ATP8A2: variants seen among roughly 807,000 people sequenced by gnomAD.
ATP8A2 encodes the protein ATPase phospholipid transporting 8A2.
A neutral mutation model predicts 165.6 loss-of-function variants in ATP8A2; 100 were observed. The ratio of observed to expected loss-of-function variants is 0.60; its 90% CI spans 0.51 to 0.71. The LOEUF is 0.71. ATP8A2 is among the 30% of genes least tolerant of loss of function. ATP8A2 has a pLI of 0.00. For synonymous variants in ATP8A2, 543 were observed against 548.8 expected, an observed-to-expected ratio of 0.99 and a Z score of 0.15; for missense variants, 1,227 against 1,479.5, an observed-to-expected ratio of 0.83 and a Z score of 2.80.
intron 25 of ATP8A2, among the ~76,000 whole-genome samples, chr13:25,730,436 A>G (rs776149342): frequency 6.6e-6 from 1 of 152,152 alleles, no homozygotes; most frequent in African/African-American, 2.4e-5. Context: ...ACTACTTTCT[A>G]TTACACTGGT....
intron 27 of ATP8A2, among the ~76,000 whole-genome samples, chr13:25,776,588 T>C (rs1040562550): frequency 4.6e-5 from 7 of 152,198 alleles, no homozygotes. Flanking sequence ...TTCTCTTATT[T>C]TTACAATTCC....
chr13:25,880,830 T>C (rs1952959661), intron 33 of ATP8A2: 1 of 439,628 alleles, frequency 2.3e-6, no homozygotes, highest in Admixed American at 2.5e-5. Context: ...GCAGTCTTTG[T>C]GGTTTGGGTA....
At chr13:25,623,168 G>C (rs1442495229) in intron 24 of ATP8A2, among the ~76,000 whole-genome samples, 1 of 152,180 alleles carries the variant, frequency 6.6e-6, no homozygotes, top group Non-Finnish European at 1.5e-5. Flanking sequence ...AGGATCGCTT[G>C]AGGCCAGGAA....
chr13:25,439,710 G>A (rs1337817087), intron 1 of ATP8A2, among the ~76,000 whole-genome samples: 1 of 152,106 alleles, frequency 6.6e-6, no homozygotes, highest in Non-Finnish European at 1.5e-5. Flanking sequence ...CCAGAAGTTT[G>A]AGATCAGCCT....
At chr13:25,466,993 A>G (rs1268898880) in intron 1 of ATP8A2, among the ~76,000 whole-genome samples, 1 of 152,204 alleles carries the variant, frequency 6.6e-6, no homozygotes, top group Non-Finnish European at 1.5e-5. Context: ...ACATCAGCAA[A>G]TGCTCCAACA....
intron 30 of ATP8A2, among the ~76,000 whole-genome samples, chr13:25,845,317 A>G (rs1038791744): frequency 2.0e-5 from 3 of 152,210 alleles, no homozygotes; most frequent in Admixed American, 2.0e-4. Flanking sequence ...TTGAAGTGTA[A>G]TGTGGTTATT....
chr13:25,856,549 A>G lies in ATP8A2; in HGVS notation c.2957-3646A>G, dbSNP rs150223932. Reference sequence around the variant, plus strand: ...CTTAAATTTACATCAATTAAAAATGATTTTATAGCTTTGTTTCTATGATCC... The same window carrying G: ...CTTAAATTTACATCAATTAAAAATGGTTTTATAGCTTTGTTTCTATGATCC... On this transcript the variant is annotated intron_variant, in intron 30 of 36. Coordinates refer to ENST00000381655, the MANE Select transcript of ATP8A2 (RefSeq NM_016529.6). Among the ~76,000 whole-genome samples, 72 of 152,344 alleles carry G rather than the reference A, an allele frequency of 4.7e-4. 1 individual carries two copies. Among genetic ancestry groups the G allele is most frequent in the African/African-American group, 1.7e-3 (70 of 41,590 alleles).
In ATP8A2 at chr13:25,769,028, C is replaced by T. The variant is rs757943673; in HGVS notation, c.2385-18C>T. 3 of 1,612,574 alleles carry T rather than the reference C, an allele frequency of 1.9e-6. No homozygotes were observed. In the South Asian group the frequency reaches 3.3e-5, roughly 18 times the overall value. On this transcript the variant is annotated intron_variant, in intron 25 of 36. Coordinates refer to ENST00000381655, the MANE Select transcript of ATP8A2 (RefSeq NM_016529.6). ...GGAAAGACATGCATAGCTCTGATTT[C>T]CCTCTCTTTTCTCACAGAGTGTCTC...
intron 27 of ATP8A2, among the ~76,000 whole-genome samples, chr13:25,802,708 T>G (rs1950645730): frequency 6.6e-6 from 1 of 152,130 alleles, no homozygotes; most frequent in Admixed American, 6.6e-5. Flanking sequence ...TTACCTTCAA[T>G]TTCATCATAA....
intron 16 of ATP8A2, chr13:25,567,040 C>T: frequency 3.9e-6 from 1 of 257,540 alleles, no homozygotes; most frequent in Non-Finnish European, 7.8e-6. Flanking sequence ...CCATAGAAAC[C>T]CAGTGGCCTG....
intron 28 of ATP8A2, among the ~76,000 whole-genome samples, chr13:25,834,983 C>T (rs895911660): frequency 5.3e-5 from 8 of 149,642 alleles, no homozygotes; most frequent in East Asian, 2.0e-4. Context: ...TGATCCCTAA[C>T]GTGTGTGTGT....
At chr13:25,613,558 GC>G (rs2040745621) in intron 24 of ATP8A2, among the ~76,000 whole-genome samples, 1 of 152,128 alleles carries the variant, frequency 6.6e-6, no homozygotes, top group Non-Finnish European at 1.5e-5. Flanking sequence ...TGGAGACAGA[GC>G]AAGACTCCAT....
chr13:25,955,576 G>T (rs1459147565), intron 33 of ATP8A2, among the ~76,000 whole-genome samples: 1 of 152,190 alleles, frequency 6.6e-6, no homozygotes, highest in Non-Finnish European at 1.5e-5. Context: ...ACTAAACTGG[G>T]AAGAAGTCAA....
chr13:25,689,145 AG>A (rs1244097588), intron 24 of ATP8A2, among the ~76,000 whole-genome samples: 2 of 152,234 alleles, frequency 1.3e-5, no homozygotes, highest in African/African-American at 4.8e-5. Context: ...TAAATAATTA[AG>A]TTGAGATTAC....
At chr13:25,450,113 T>C (rs2035172445) in intron 1 of ATP8A2, among the ~76,000 whole-genome samples, 1 of 152,224 alleles carries the variant, frequency 6.6e-6, no homozygotes, top group Non-Finnish European at 1.5e-5. Context: ...CTGCTAAGGA[T>C]AATGGCCTCA....
chr13:25,768,084 G>C (rs1276957328), intron 25 of ATP8A2, among the ~76,000 whole-genome samples: 5 of 133,530 alleles, frequency 3.7e-5, no homozygotes, highest in East Asian at 4.9e-4. Context: ...CGTGGGGGGG[G>C]GGTGGTGGGG....
intron 24 of ATP8A2, among the ~76,000 whole-genome samples, chr13:25,612,180 G>T (rs2138442158): frequency 6.6e-6 from 1 of 151,980 alleles, no homozygotes; most frequent in South Asian, 2.1e-4. Flanking sequence ...GCTGGGTTTG[G>T]GTTTGGTTTG....
intron 25 of ATP8A2, among the ~76,000 whole-genome samples, chr13:25,746,994 G>A (rs924368384): frequency 1.3e-5 from 2 of 152,268 alleles, no homozygotes; most frequent in South Asian, 2.1e-4. Context: ...GCCTATGGTC[G>A]TTCTGTCCTG....
At chr13:25,374,351 C>G (rs972688230) in intron 1 of ATP8A2, among the ~76,000 whole-genome samples, 5 of 152,116 alleles carry the variant, frequency 3.3e-5, no homozygotes, top group African/African-American at 9.7e-5. Context: ...CCTAATAGAG[C>G]AGGTGTAAGA....
Sources: gnomAD v4.1 joint callset for allele counts (sites outside exome capture counted in the v4.1 genomes callset) on GRCh38, gnomAD v4.1.1 for gene constraint, MANE v1.5 for transcripts, NCBI Gene and HGNC (gene_info 2026-07-23, HGNC 2026-07-21) for gene names.